The following DIS3L2 variants were observed in gnomAD, a reference collection of about 807,000 sequenced individuals.
The protein encoded by DIS3L2 is DIS3 like 3'-5' exoribonuclease 2.
A neutral mutation model predicts 97.5 loss-of-function variants in DIS3L2; 34 were observed. That is an observed-to-expected ratio of 0.35 (90% CI 0.27 to 0.46). The LOEUF (loss-of-function observed/expected upper bound fraction) is 0.46, where lower values mean the gene tolerates loss of function less well. Ranked by LOEUF, DIS3L2 falls within the 20% of genes least tolerant of loss-of-function variation. DIS3L2 has a pLI of 1.00. For missense variants in DIS3L2, 1,038 were observed against 1,146.0 expected, an observed-to-expected ratio of 0.91 and a Z score of 1.36; for synonymous variants, 435 against 445.2, an observed-to-expected ratio of 0.98 and a Z score of 0.29.
intron 6 of DIS3L2, among the ~76,000 whole-genome samples, chr2:232,117,324 T>C (rs1226201116): frequency 6.6e-6 from 1 of 152,174 alleles, no homozygotes; most frequent in Non-Finnish European, 1.5e-5. Context: ...CATTCTTACC[T>C]CTTAGTGCTT....
At chr2:232,020,207 C>T (rs1231332507) in intron 3 of DIS3L2, among the ~76,000 whole-genome samples, 1 of 152,112 alleles carries the variant, frequency 6.6e-6, no homozygotes, top group Non-Finnish European at 1.5e-5. Flanking sequence ...GTTCAAAGAG[C>T]AGCAGGAAGT....
At chr2:232,247,320 CAG>C (rs1320713187) in intron 11 of DIS3L2, among the ~76,000 whole-genome samples, 4 of 152,126 alleles carry the variant, frequency 2.6e-5, no homozygotes, top group African/African-American at 7.2e-5. Context: ...GCTTAAACAA[CAG>C]AGATTTATTT....
chr2:232,106,883 G>T (rs1380685082), intron 6 of DIS3L2, among the ~76,000 whole-genome samples: 5 of 152,146 alleles, frequency 3.3e-5, no homozygotes, highest in African/African-American at 1.2e-4. Context: ...AAATGCAAAA[G>T]AACTGAAATC....
At chr2:232,208,009 G>A (rs866475140) in intron 9 of DIS3L2, among the ~76,000 whole-genome samples, 11 of 151,958 alleles carry the variant, frequency 7.2e-5, no homozygotes, top group South Asian at 4.2e-4. Flanking sequence ...TCTAGCACCC[G>A]TCGATCAACC....
chr2:231,962,345 C>T (rs535649987), intron 1 of DIS3L2, among the ~76,000 whole-genome samples: 75 of 151,816 alleles, frequency 4.9e-4, no homozygotes, highest in African/African-American at 1.5e-3. Context: ...ATATTGCACC[C>T]AGGTATTGAG....
At chr2:232,072,019 A>G (rs1356579332) in intron 5 of DIS3L2, among the ~76,000 whole-genome samples, 1 of 152,182 alleles carries the variant, frequency 6.6e-6, no homozygotes, top group South Asian at 2.1e-4. Context: ...TATGTTAAGC[A>G]GTGGGAAGAG....
chr2:231,974,477 C>G (rs137869921), intron 1 of DIS3L2, among the ~76,000 whole-genome samples: 14 of 149,918 alleles, frequency 9.3e-5, no homozygotes, highest in Middle Eastern at 7.1e-3. Flanking sequence ...AATCTGTTGT[C>G]CCATTCAGTG....
At chr2:232,069,287 A>G (rs1007391808) in intron 5 of DIS3L2, among the ~76,000 whole-genome samples, 8 of 152,198 alleles carry the variant, frequency 5.3e-5, no homozygotes, top group Non-Finnish European at 4.4e-5. Context: ...GAATGATGTT[A>G]TATCTCTGCT....
At chr2:232,228,891 T>C (rs1472176590) in intron 10 of DIS3L2, among the ~76,000 whole-genome samples, 1 of 152,258 alleles carries the variant, frequency 6.6e-6, no homozygotes, top group Admixed American at 6.5e-5. Context: ...TCTCCAGATA[T>C]TTTAAAGCAG....
intron 5 of DIS3L2, among the ~76,000 whole-genome samples, chr2:232,048,784 A>G (rs1213601789): frequency 6.6e-6 from 1 of 152,056 alleles, no homozygotes; most frequent in East Asian, 1.9e-4. Flanking sequence ...CTGTTGTTGA[A>G]GGAGGTTGTT....
chr2:232,124,837 C>T (rs1436315508), intron 6 of DIS3L2, among the ~76,000 whole-genome samples: 3 of 152,186 alleles, frequency 2.0e-5, no homozygotes, highest in Non-Finnish European at 4.4e-5. Flanking sequence ...AAAAGTTTGT[C>T]TTCAAAGGAG....
chr2:232,156,942 G>C (rs1177816039), intron 8 of DIS3L2, among the ~76,000 whole-genome samples: 3 of 152,170 alleles, frequency 2.0e-5, no homozygotes, highest in Non-Finnish European at 4.4e-5. Context: ...GGTAGAATCA[G>C]AAGAAACTGT....
chr2:232,038,574 A>G (rs796607555), intron 5 of DIS3L2, among the ~76,000 whole-genome samples: 3 of 152,282 alleles, frequency 2.0e-5, no homozygotes, highest in African/African-American at 7.2e-5. Context: ...TGGCCAAAAT[A>G]AGCAAACATA....
intron 12 of DIS3L2, among the ~76,000 whole-genome samples, chr2:232,255,467 A>G (rs1693535396): frequency 6.6e-6 from 1 of 152,184 alleles, no homozygotes. Flanking sequence ...GATTGTTCCA[A>G]CGTTTTCTTA....
At chr2:232,302,966 A>G (rs752510569) in intron 14 of DIS3L2, among the ~76,000 whole-genome samples, 2 of 152,196 alleles carry the variant, frequency 1.3e-5, no homozygotes, top group Non-Finnish European at 2.9e-5. Flanking sequence ...CCTCTCTGGC[A>G]GGGTTGCATG....
At chr2:231,969,309 CTT>C (rs149580697) in intron 1 of DIS3L2, among the ~76,000 whole-genome samples, 11 of 137,028 alleles carry the variant, frequency 8.0e-5, no homozygotes, top group Non-Finnish European at 1.1e-4. Flanking sequence ...AGTCCTAGAC[CTT>C]TTTTTTTTTT....
chr2:232,226,300 G>C (rs1692645455), intron 10 of DIS3L2, among the ~76,000 whole-genome samples: 1 of 152,168 alleles, frequency 6.6e-6, no homozygotes, highest in East Asian at 1.9e-4. Flanking sequence ...ATGGTCCTTT[G>C]GTATGATAGG....
At position 232,233,021 on chromosome 2, in the gene DIS3L2, A is replaced by G. The variant is rs556941387; in HGVS notation, c.1205-5512A>G. Among the ~76,000 whole-genome samples the G allele has an allele frequency of 2.0e-5, 3 of 152,296 alleles. No homozygotes were observed. In the East Asian group the frequency reaches 5.8e-4, roughly 29 times the overall value. On this transcript the variant is annotated intron_variant, in intron 10 of 20. Coordinates refer to ENST00000325385, the MANE Select transcript of DIS3L2 (RefSeq NM_152383.5). ...CAAGGTGTTGGGGTGGGGAGGGCACAGAATCACCAGGCTTCAGATGCTGCT... is the reference window on the plus strand; with the variant it reads ...CAAGGTGTTGGGGTGGGGAGGGCACGGAATCACCAGGCTTCAGATGCTGCT...
At chr2:232,343,587 G>A (rs769007360) in exon 14 of DIS3L2, 1 of 1,575,554 alleles carries the variant, frequency 6.3e-7, no homozygotes, top group Non-Finnish European at 8.6e-7. Context: ...GAAGCATGTG[G>A]AATTCCTTGT....
Sources: gnomAD v4.1 joint callset for allele counts (sites outside exome capture counted in the v4.1 genomes callset) on GRCh38, gnomAD v4.1.1 for gene constraint, MANE v1.5 for transcripts, NCBI Gene and HGNC (gene_info 2026-07-23, HGNC 2026-07-21) for gene names.